PNPT1: variants seen among roughly 807,000 people sequenced by gnomAD.
PNPT1 encodes polyribonucleotide nucleotidyltransferase 1.
In PNPT1, 53 loss-of-function variants were observed where a neutral mutation model predicts 119.5. The ratio of observed to expected loss-of-function variants is 0.44; its 90% CI spans 0.36 to 0.56. The LOEUF (loss-of-function observed/expected upper bound fraction) is 0.56. Among genes scored for constraint, PNPT1 ranks in the 20% least tolerant of loss-of-function variants. PNPT1 has a pLI of 0.00. For synonymous variants in PNPT1, 357 were observed against 322.1 expected, an observed-to-expected ratio of 1.11 and a Z score of -1.16; for missense variants, 948 against 938.5, an observed-to-expected ratio of 1.01 and a Z score of -0.13.
chr2:55,638,418 T>G (rs547220292), intron 26 of PNPT1, among the ~76,000 whole-genome samples: 1 of 152,202 alleles, frequency 6.6e-6, no homozygotes, highest in South Asian at 2.1e-4. Flanking sequence ...TCCCAGAACT[T>G]TGGGAGGCCG....
In PNPT1 at chr2:55,679,224, T is replaced by C. The variant is rs188347985; in HGVS notation, c.679+458A>G. ...ATTTTATTACCAGTTTTCCACCTAG[T>C]AGAAATGGGTCACTTCTCAAGAGGA... On this transcript the variant is annotated intron_variant, in intron 8 of 27. Coordinates refer to ENST00000447944, the MANE Select transcript of PNPT1 (RefSeq NM_033109.5). Among the ~76,000 whole-genome samples the C allele has an allele frequency of 4.6e-5, 7 of 152,304 alleles. No homozygotes were observed. The East Asian group carries it at 1.2e-3, about 25-fold the overall frequency.
Position 55,680,842 on chromosome 2 carries a change from C to A in PNPT1, c.517+13G>T. ...TTTAATCTGATAATTTTAATCTCTACTTTTATACTTACCGCCATTAATTGC... is the reference window on the plus strand; with the variant it reads ...TTTAATCTGATAATTTTAATCTCTAATTTTATACTTACCGCCATTAATTGC... On this transcript the variant is annotated intron_variant, in intron 6 of 27. Coordinates refer to ENST00000447944, the MANE Select transcript of PNPT1 (RefSeq NM_033109.5). 1 of 1,613,278 alleles carries A rather than the reference C, an allele frequency of 6.2e-7. No individual in the cohort carries two copies. Among genetic ancestry groups the A allele is most frequent in the East Asian group, 2.2e-5 (1 of 44,844 alleles).
chr2:55,640,263 C>T (rs574388012), intron 26 of PNPT1, among the ~76,000 whole-genome samples: 1 of 152,268 alleles, frequency 6.6e-6, no homozygotes, highest in Non-Finnish European at 1.5e-5. Flanking sequence ...AAGCGATTCT[C>T]CTTCCTCAGC....
chr2:55,644,880 G>T, intron 22 of PNPT1, 160 bp from the exon 23 acceptor site: 1 of 464,216 alleles, frequency 2.2e-6, no homozygotes. Flanking sequence ...ACTGAAAACT[G>T]TTAAAGAATA....
intron 8 of PNPT1, among the ~76,000 whole-genome samples, chr2:55,674,516 C>A (rs1246343957): frequency 1.3e-5 from 2 of 152,124 alleles, no homozygotes; most frequent in African/African-American, 4.8e-5. Context: ...TCACTTGAAC[C>A]CAGGAGGTGG....
chr2:55,671,584 AAAG>A (rs1696915468), intron 10 of PNPT1, among the ~76,000 whole-genome samples: 1 of 152,224 alleles, frequency 6.6e-6, no homozygotes, highest in African/African-American at 2.4e-5. Context: ...CTTATATTAA[AAAG>A]AAAAGAACTT....
intron 8 of PNPT1, among the ~76,000 whole-genome samples, chr2:55,674,024 T>C (rs1348493782): frequency 2.0e-5 from 3 of 152,068 alleles, no homozygotes; most frequent in Admixed American, 2.0e-4. Flanking sequence ...CTCCTGGCAA[T>C]ACATATTTTA....
At chr2:55,681,176 G>A (rs1697234906) in intron 5 of PNPT1, among the ~76,000 whole-genome samples, 1 of 152,062 alleles carries the variant, frequency 6.6e-6, no homozygotes. Flanking sequence ...GGAGGCTGAG[G>A]AGGGCGGATC....
intron 18 of PNPT1, among the ~76,000 whole-genome samples, chr2:55,650,690 G>A (rs1480789087): frequency 6.6e-6 from 1 of 151,488 alleles, no homozygotes; most frequent in Non-Finnish European, 1.5e-5. Context: ...CCCCGTCCGG[G>A]ATGTGAGGAG....
At chr2:55,675,310 T>G (rs1421450121) in intron 8 of PNPT1, among the ~76,000 whole-genome samples, 3 of 149,636 alleles carry the variant, frequency 2.0e-5, no homozygotes, top group Non-Finnish European at 1.5e-5. Context: ...AAAATATGGC[T>G]GGGCATGGGG....
intron 21 of PNPT1, among the ~76,000 whole-genome samples, chr2:55,645,834 ACTT>A (rs10579642): frequency 0.45 from 67,513 of 151,338 alleles, 16,003 homozygotes; most frequent in Non-Finnish European, 0.53. Flanking sequence ...GCTACTTAGT[ACTT>A]CTTTTTTTTT....
intron 21 of PNPT1, among the ~76,000 whole-genome samples, chr2:55,645,881 G>A (rs776850994): frequency 1.3e-5 from 2 of 152,050 alleles, no homozygotes; most frequent in African/African-American, 2.4e-5. Context: ...AGGCTGGCGC[G>A]CAATGGCATG....
chr2:55,671,662 C>T (rs182899303), intron 10 of PNPT1, among the ~76,000 whole-genome samples: 47 of 152,254 alleles, frequency 3.1e-4, no homozygotes, highest in African/African-American at 1.1e-3. Flanking sequence ...CCAACATGGC[C>T]GTCTCTACTA....
intron 27 of PNPT1, 70 bp downstream of exon 27, chr2:55,637,482 T>C: frequency 5.6e-6 from 8 of 1,422,264 alleles, no homozygotes; most frequent in Non-Finnish European, 7.9e-6. Context: ...TCTTTCAACT[T>C]TTTGAAAAAA....
At chr2:55,683,867 A>T (rs752366633) in intron 4 of PNPT1, 33 bp from the exon 5 acceptor site, 3 of 1,604,244 alleles carry the variant, frequency 1.9e-6, no homozygotes, top group Non-Finnish European at 2.6e-6. Context: ...ATTAAACCGT[A>T]CTGACAGAGT....
intron 4 of PNPT1, 50 bp downstream of exon 4, chr2:55,684,893 C>T: frequency 4.9e-6 from 7 of 1,417,646 alleles, no homozygotes; most frequent in Non-Finnish European, 5.6e-6. Context: ...AGAAGAGATG[C>T]TAACATAGGC....
chr2:55,656,279 T>C (rs1355116514), intron 16 of PNPT1, 26 bp downstream of exon 16: 2 of 1,611,006 alleles, frequency 1.2e-6, no homozygotes, highest in South Asian at 1.1e-5. Context: ...AAGAATACCG[T>C]ATTAAGTTTA....
At chr2:55,681,363 C>T (rs1697242284) in intron 5 of PNPT1, among the ~76,000 whole-genome samples, 1 of 151,988 alleles carries the variant, frequency 6.6e-6, no homozygotes, top group Admixed American at 6.6e-5. Flanking sequence ...GCTGAGATCA[C>T]GCCATTGCAC....
intron 18 of PNPT1, among the ~76,000 whole-genome samples, chr2:55,650,679 G>A (rs1284603391): frequency 2.7e-5 from 4 of 148,496 alleles, no homozygotes; most frequent in Non-Finnish European, 4.5e-5. Flanking sequence ...CTGCCCTGCC[G>A]CCCCGTCCGG....
Sources: gnomAD v4.1 joint callset for allele counts (sites outside exome capture counted in the v4.1 genomes callset) on GRCh38, gnomAD v4.1.1 for gene constraint, MANE v1.5 for transcripts, NCBI Gene and HGNC (gene_info 2026-07-23, HGNC 2026-07-21) for gene names.